The following MDGA2 variants were observed in gnomAD, a reference collection of about 807,000 sequenced individuals.
MDGA2 encodes the protein MAM domain containing glycosylphosphatidylinositol anchor 2.
A neutral mutation model predicts 117.8 loss-of-function variants in MDGA2; 40 were observed. The ratio of observed to expected loss-of-function variants is 0.34; its 90% CI spans 0.26 to 0.44. The LOEUF is 0.44. MDGA2 is among the 20% of genes least tolerant of loss of function. The probability of loss-of-function intolerance (pLI) is 1.00; values close to 1 mark genes in which losing one functional copy is unlikely to be tolerated. For missense variants in MDGA2, 1,123 were observed against 1,250.6 expected (o/e 0.90, Z 1.54); for synonymous variants, 452 against 439.0 (o/e 1.03, Z -0.37).
intron 1 of MDGA2, among the ~76,000 whole-genome samples, chr14:47,431,537 A>C (rs747688011): frequency 6.6e-6 from 1 of 152,068 alleles, no homozygotes; most frequent in Non-Finnish European, 1.5e-5. Flanking sequence ...TGATGGAAAA[A>C]GCAGAACACT....
intron 1 of MDGA2, among the ~76,000 whole-genome samples, chr14:47,351,976 T>A (rs2138350177): frequency 6.6e-6 from 1 of 151,802 alleles, no homozygotes; most frequent in South Asian, 2.1e-4. Context: ...TATAATTCCA[T>A]GAGACTTATC....
At chr14:47,531,593 T>A (rs1400813568) in intron 1 of MDGA2, among the ~76,000 whole-genome samples, 1 of 152,194 alleles carries the variant, frequency 6.6e-6, no homozygotes, top group African/African-American at 2.4e-5. Flanking sequence ...GTTATGAGAA[T>A]TAAATGAATT....
intron 3 of MDGA2, among the ~76,000 whole-genome samples, chr14:47,191,160 A>G (rs1885095771): frequency 6.6e-6 from 1 of 152,008 alleles, no homozygotes; most frequent in African/African-American, 2.4e-5. Context: ...GTGTGAGTAC[A>G]CAAGTATGTG....
At chr14:47,231,727 G>GA (rs569576497) in intron 2 of MDGA2, among the ~76,000 whole-genome samples, 15 of 120,906 alleles carry the variant, frequency 1.2e-4, no homozygotes, top group Admixed American at 3.3e-4. Flanking sequence ...ATAAGAAAAA[G>GA]AAAAAAAAAT....
intron 1 of MDGA2, among the ~76,000 whole-genome samples, chr14:47,395,403 G>A (rs950709579): frequency 1.3e-5 from 2 of 152,002 alleles, no homozygotes; most frequent in African/African-American, 4.8e-5. Context: ...ATATGATGAG[G>A]CATATTATAA....
chr14:47,453,939 G>A (rs1893292642), intron 1 of MDGA2, among the ~76,000 whole-genome samples: 1 of 152,184 alleles, frequency 6.6e-6, no homozygotes, highest in African/African-American at 2.4e-5. Flanking sequence ...CTTTGCTCCT[G>A]TGAGTCTTCT....
chr14:47,034,361 A>C (rs949111146), intron 8 of MDGA2, among the ~76,000 whole-genome samples: 3 of 152,206 alleles, frequency 2.0e-5, no homozygotes, highest in African/African-American at 7.2e-5. Flanking sequence ...AAAATAGTTT[A>C]AAATGTATCT....
chr14:46,924,349 G>GA (rs1476242453), intron 9 of MDGA2, among the ~76,000 whole-genome samples: 1 of 151,800 alleles, frequency 6.6e-6, no homozygotes, highest in Non-Finnish European at 1.5e-5. Flanking sequence ...TTCCCACTAT[G>GA]AACACTTAAA....
At chr14:47,074,626 A>C (rs1890423759) in intron 6 of MDGA2, among the ~76,000 whole-genome samples, 1 of 152,166 alleles carries the variant, frequency 6.6e-6, no homozygotes, top group Non-Finnish European at 1.5e-5. Flanking sequence ...TGCCAGGGAG[A>C]ATATGTTCTG....
chr14:47,380,777 G>C (rs1935899333), intron 1 of MDGA2, among the ~76,000 whole-genome samples: 1 of 151,936 alleles, frequency 6.6e-6, no homozygotes, highest in African/African-American at 2.4e-5. Context: ...ATTTCTACCA[G>C]AGGTACAAGC....
chr14:47,160,408 A>C (rs1379288175), intron 3 of MDGA2, among the ~76,000 whole-genome samples: 3 of 152,262 alleles, frequency 2.0e-5, no homozygotes, highest in South Asian at 4.2e-4. Flanking sequence ...ACAACAACAA[A>C]AAAGCAGCTG....
At chr14:47,263,284 ATTG>A (rs760729938) in intron 2 of MDGA2, among the ~76,000 whole-genome samples, 106 of 152,150 alleles carry the variant, frequency 7.0e-4, no homozygotes, top group Non-Finnish European at 6.2e-4. Context: ...CAAATTATAA[ATTG>A]TTATTTTGTT....
chr14:46,850,443 A>G (rs1193256254), intron 15 of MDGA2, among the ~76,000 whole-genome samples: 1 of 151,816 alleles, frequency 6.6e-6, no homozygotes, highest in Non-Finnish European at 1.5e-5. Flanking sequence ...TATTTACAAC[A>G]TAGTTTCTTC....
chr14:46,858,711 G>A (rs1881385716), intron 14 of MDGA2, among the ~76,000 whole-genome samples: 1 of 152,140 alleles, frequency 6.6e-6, no homozygotes, highest in Non-Finnish European at 1.5e-5. Flanking sequence ...ACAGGCGTGA[G>A]CCACCGTGCC....
intron 2 of MDGA2, among the ~76,000 whole-genome samples, chr14:47,268,945 C>A (rs1391931774): frequency 2.4e-5 from 1 of 40,868 alleles, no homozygotes; most frequent in Non-Finnish European, 4.3e-5. Flanking sequence ...AGCATATTAA[C>A]ACTTTGGGAT....
intron 6 of MDGA2, among the ~76,000 whole-genome samples, chr14:47,081,615 T>C (rs922106561): frequency 6.6e-6 from 1 of 152,140 alleles, no homozygotes; most frequent in Non-Finnish European, 1.5e-5. Context: ...GGAAATGACA[T>C]GTTTCCTAAA....
At chr14:46,985,316 C>A (rs1396673199) in intron 8 of MDGA2, among the ~76,000 whole-genome samples, 2 of 151,928 alleles carry the variant, frequency 1.3e-5, no homozygotes, top group Non-Finnish European at 2.9e-5. Context: ...ATTTTGTTTT[C>A]TACTACTAAT....
chr14:47,522,343 A>ATG (rs1208547184), intron 1 of MDGA2, among the ~76,000 whole-genome samples: 4 of 114,622 alleles, frequency 3.5e-5, no homozygotes. Context: ...GTGTGTATAT[A>ATG]TGTATATATA....
At chr14:47,445,124 A>G (rs1040573043) in intron 1 of MDGA2, among the ~76,000 whole-genome samples, 1 of 152,148 alleles carries the variant, frequency 6.6e-6, no homozygotes, top group African/African-American at 2.4e-5. Flanking sequence ...GGTGGACAAA[A>G]GTAAGAACAG....
Sources: allele counts gnomAD v4.1 joint callset (sites outside exome capture counted in the v4.1 genomes callset), GRCh38; gene constraint gnomAD v4.1.1; transcripts MANE v1.5; gene names NCBI Gene and HGNC (gene_info 2026-07-23, HGNC 2026-07-21).